The following WDR88 variants were observed in gnomAD, a reference collection of about 807,000 sequenced individuals.
WDR88 encodes the protein WD repeat domain 88.
Under a neutral mutation model 46.8 loss-of-function variants are expected in WDR88, and 40 were observed. The observed-to-expected ratio is 0.86, with a 90% CI of 0.66 to 1.11. The LOEUF (loss-of-function observed/expected upper bound fraction) is 1.11. Ranked by LOEUF, WDR88 falls within the 50% of genes most tolerant of loss-of-function variation. The pLI is 0.00. For missense variants in WDR88, 562 were observed against 602.4 expected (o/e 0.93, Z 0.70); for synonymous variants, 235 against 240.7 (o/e 0.98, Z 0.22).
chr19:33,165,754 G>A (rs898008531), intron 9 of WDR88, among the ~76,000 whole-genome samples: 8 of 151,890 alleles, frequency 5.3e-5, no homozygotes, highest in Admixed American at 3.3e-4. Context: ...TTAGCCGGGC[G>A]TGGTGGCAGG....
chr19:33,148,805 T>C lies in WDR88; in HGVS notation c.574T>C (p.Cys192Arg), dbSNP rs199681301. 2.5e-6 allele frequency: 4 copies of C among 1,614,180 alleles called. No homozygotes were observed. The Admixed American group carries it at 6.7e-5, about 27-fold the overall frequency. The change falls in exon 5 of 11, where the codon TGT becomes CGT. Residue 192 changes from cysteine to arginine, a missense_variant. Transcript: ENST00000355868. ...CAGGTATGATACCTTCATCGTCTCC[T>C]GTAAGTTTTCTCCTGATGGTAAATA... is the stretch of plus-strand genomic sequence containing the variant. The part of the protein sequence containing the change: ...KVRYDTFIVS[C>R]KFSPDGKYVV...
intron 8 of WDR88, among the ~76,000 whole-genome samples, chr19:33,163,074 C>A (rs61343523): frequency 2.6e-4 from 39 of 151,966 alleles, no homozygotes; most frequent in Admixed American, 2.6e-3. Context: ...TGGCTCACGC[C>A]TGTAATCCCA....
intron 10 of WDR88, chr19:33,174,970 C>G: frequency 8.1e-6 from 8 of 985,478 alleles, no homozygotes; most frequent in Non-Finnish European, 8.4e-6. Flanking sequence ...CCCAGTGGCT[C>G]ACGCCTGTAA....
chr19:33,150,461 AT>A (rs1275391064), intron 5 of WDR88, among the ~76,000 whole-genome samples: 2 of 152,236 alleles, frequency 1.3e-5, no homozygotes, highest in African/African-American at 4.8e-5. Context: ...AAATAAAAAA[AT>A]CATTCATTAT....
At chr19:33,165,197 G>C (rs1017658177) in intron 9 of WDR88, among the ~76,000 whole-genome samples, 16 of 152,084 alleles carry the variant, frequency 1.1e-4, no homozygotes, top group African/African-American at 3.9e-4. Flanking sequence ...CCTGCTGTGT[G>C]GCCCATTTCC....
In WDR88 at chr19:33,151,178, C is replaced by T; in HGVS notation, c.680-3C>T. 1 of 1,612,992 alleles carries T rather than the reference C, an allele frequency of 6.2e-7. No individual in the cohort carries two copies. The highest frequency in any genetic ancestry group is 8.5e-7 in the Non-Finnish European group (1 of 1,179,450). On this transcript the variant is annotated splice_polypyrimidine_tract_variant and splice_region_variant and intron_variant, in intron 5 of 10. Transcript: ENST00000355868. ...TCAAGTCCCTTTCCTCCGTGTTCTGCAGATCATCACACAAGGTCCATCACG... is the reference window on the plus strand; with the variant it reads ...TCAAGTCCCTTTCCTCCGTGTTCTGTAGATCATCACACAAGGTCCATCACG...
chr19:33,136,051 G>A (rs1267846512), intron 1 of WDR88, among the ~76,000 whole-genome samples: 6 of 143,896 alleles, frequency 4.2e-5, no homozygotes, highest in South Asian at 2.4e-4. Context: ...CACCACACTC[G>A]GCTAATTTTT....
In WDR88 at chr19:33,148,825, T is replaced by G; in HGVS notation, c.594T>G (p.Gly198=). 6.2e-7 allele frequency: 1 copy of G among 1,614,102 alleles called. No homozygotes were observed. Among genetic ancestry groups the G allele is most frequent in the Non-Finnish European group, 8.5e-7 (1 of 1,180,024 alleles). The change falls in exon 5 of 11, where the codon GGT becomes GGG. Residue 198 remains glycine (G), a synonymous_variant. Coordinates refer to ENST00000355868, the MANE Select transcript of WDR88 (RefSeq NM_173479.4). ...FIVSCKFSPD[G]KYVVSGFDVD... is the part of the protein sequence containing the mutation. ...TCTCCTGTAAGTTTTCTCCTGATGG[T>G]AAATACGTGGTCTCAGGCTTCGACG...
intron 1 of WDR88, among the ~76,000 whole-genome samples, chr19:33,132,868 C>G (rs1157444044): frequency 6.6e-6 from 1 of 152,156 alleles, no homozygotes; most frequent in Non-Finnish European, 1.5e-5. Flanking sequence ...ATAATAACAA[C>G]AATGAATTGG....
chr19:33,147,040 C>A (rs1465655105), intron 3 of WDR88, among the ~76,000 whole-genome samples: 1 of 150,244 alleles, frequency 6.7e-6, no homozygotes, highest in Admixed American at 6.6e-5. Context: ...GAGAGACCAG[C>A]CTGGGCTCTG....
intron 3 of WDR88, among the ~76,000 whole-genome samples, chr19:33,145,420 A>G (rs956083506): frequency 6.6e-6 from 1 of 151,134 alleles, no homozygotes; most frequent in African/African-American, 2.4e-5. Flanking sequence ...AAAGTGCTGG[A>G]ATTACAGGCA....
At chr19:33,163,071 C>T (rs938366796) in intron 8 of WDR88, among the ~76,000 whole-genome samples, 7 of 151,848 alleles carry the variant, frequency 4.6e-5, no homozygotes, top group Admixed American at 6.6e-5. Context: ...TGGTGGCTCA[C>T]GCCTGTAATC....
intron 6 of WDR88, 21 bp from the exon 7 acceptor site, chr19:33,156,334 A>G (rs371219189): frequency 1.1e-4 from 175 of 1,611,808 alleles, no homozygotes; most frequent in Non-Finnish European, 1.4e-4. Flanking sequence ...TAATGTGTGC[A>G]CCCCACCATC....
intron 7 of WDR88, among the ~76,000 whole-genome samples, chr19:33,159,314 C>T (rs1442623420): frequency 2.0e-5 from 3 of 151,188 alleles, no homozygotes; most frequent in Non-Finnish European, 4.4e-5. Context: ...GCCTGGGTGA[C>T]AGAGCAAGAC....
intron 6 of WDR88, among the ~76,000 whole-genome samples, chr19:33,155,181 C>T (rs1322449868): frequency 6.6e-6 from 1 of 152,166 alleles, no homozygotes; most frequent in Non-Finnish European, 1.5e-5. Flanking sequence ...TGCACTGTTG[C>T]CCAGGCTGGA....
At chr19:33,135,900 T>C (rs1410451790) in intron 1 of WDR88, among the ~76,000 whole-genome samples, 1 of 150,518 alleles carries the variant, frequency 6.6e-6, no homozygotes, top group East Asian at 2.0e-4. Context: ...TCTTTTCTTT[T>C]ATTTTTTAAG....
intron 1 of WDR88, among the ~76,000 whole-genome samples, chr19:33,135,051 GT>G (rs1171402294): frequency 0.021 from 2,000 of 96,744 alleles, 67 homozygotes; most frequent in African/African-American, 0.097. Context: ...GCTGGGGTGG[GT>G]GGGTGGGGGG....
In WDR88 at chr19:33,144,841, G is replaced by T; in HGVS notation, c.388-3G>T. On this transcript the variant is annotated splice_polypyrimidine_tract_variant and splice_region_variant and intron_variant, in intron 2 of 10. Coordinates refer to ENST00000355868, the MANE Select transcript of WDR88 (RefSeq NM_173479.4). Reference sequence around the variant, plus strand: ...CTTCTCCTCTCTCTCCCGTTGATTTGAGGATCCGGTGGACGGTTCTGTGGT... The same window carrying T: ...CTTCTCCTCTCTCTCCCGTTGATTTTAGGATCCGGTGGACGGTTCTGTGGT... 1.9e-6 allele frequency: 3 copies of T among 1,613,338 alleles called. No homozygotes were observed. Among genetic ancestry groups the T allele is most frequent in the Non-Finnish European group, 2.5e-6 (3 of 1,179,732 alleles).
chr19:33,172,220 A>G (rs1259170478), intron 9 of WDR88, 128 bp from the exon 10 acceptor site: 2 of 731,908 alleles, frequency 2.7e-6, no homozygotes, highest in Admixed American at 2.5e-5. Context: ...TGGCATAACA[A>G]TGTGCATTGA....
Sources: gnomAD v4.1 joint callset for allele counts (sites outside exome capture counted in the v4.1 genomes callset) on GRCh38, gnomAD v4.1.1 for gene constraint, MANE v1.5 for transcripts, NCBI Gene and HGNC (gene_info 2026-07-23, HGNC 2026-07-21) for gene names.